Variants in BMP6 observed in about 807,000 individuals in gnomAD.
The protein encoded by BMP6 is bone morphogenetic protein 6.
In BMP6, 17 loss-of-function variants were observed where a neutral mutation model predicts 54.1. The observed-to-expected ratio is 0.31, with a 90% CI of 0.22 to 0.47. BMP6 has a LOEUF of 0.47. BMP6 is among the 20% of genes least tolerant of loss of function. The probability of loss-of-function intolerance (pLI) is 1.00; values close to 1 mark genes in which losing one functional copy is unlikely to be tolerated. For missense variants in BMP6, 720 were observed against 690.4 expected (o/e 1.04, Z -0.48); for synonymous variants, 328 against 291.2 (o/e 1.13, Z -1.28).
At chr6:7,728,229 G>T (rs1761783908) in intron 1 of BMP6, among the ~76,000 whole-genome samples, 2 of 152,240 alleles carry the variant, frequency 1.3e-5, no homozygotes, top group African/African-American at 4.8e-5. Context: ...GGCCGGGCGG[G>T]GCTCGCTTCT....
In BMP6 at chr6:7,776,147, T is replaced by C. The variant is rs570207791; in HGVS notation, c.664+48528T>C. Among the ~76,000 whole-genome samples the C allele has an allele frequency of 2.2e-4, 33 of 152,344 alleles. No individual in the cohort carries two copies. The South Asian group carries it at 6.0e-3, about 28-fold the overall frequency. On this transcript the variant is annotated intron_variant, in intron 1 of 6. Coordinates refer to ENST00000283147, the MANE Select transcript of BMP6 (RefSeq NM_001718.6). The stretch of plus-strand genomic sequence containing the variant: ...AGCACTTGGAAATTGTTTGACTTCT[T>C]AGGGGCAGTTACCTAAGTTGAAGCA...
intron 4 of BMP6, among the ~76,000 whole-genome samples, chr6:7,875,790 G>A (rs576708629): frequency 2.6e-4 from 39 of 152,298 alleles, no homozygotes; most frequent in Middle Eastern, 3.4e-3. Context: ...AGAGAAAAGC[G>A]TACCAGGGAA....
At chr6:7,816,610 C>T (rs1758530763) in intron 1 of BMP6, among the ~76,000 whole-genome samples, 1 of 152,178 alleles carries the variant, frequency 6.6e-6, no homozygotes, top group African/African-American at 2.4e-5. Context: ...GTTAAAGCCC[C>T]ATCCATAATT....
chr6:7,865,912 G>A (rs1193351666), intron 4 of BMP6, among the ~76,000 whole-genome samples: 1 of 152,198 alleles, frequency 6.6e-6, no homozygotes, highest in Non-Finnish European at 1.5e-5. Flanking sequence ...CAAATTGCCT[G>A]TCATCAGGGT....
At chr6:7,736,252 C>T (rs1208160375) in intron 1 of BMP6, among the ~76,000 whole-genome samples, 1 of 152,186 alleles carries the variant, frequency 6.6e-6, no homozygotes, top group African/African-American at 2.4e-5. Flanking sequence ...TTAAATTTCT[C>T]CCTGGCTTGT....
chr6:7,844,798 C>T (rs1485288649), intron 1 of BMP6, among the ~76,000 whole-genome samples: 1 of 152,148 alleles, frequency 6.6e-6, no homozygotes, highest in African/African-American at 2.4e-5. Context: ...ATTCTCACAC[C>T]TTTTTCTGTG....
At chr6:7,862,940 A>T (rs1581284391) in intron 4 of BMP6, among the ~76,000 whole-genome samples, 1 of 152,114 alleles carries the variant, frequency 6.6e-6, no homozygotes, top group South Asian at 2.1e-4. Flanking sequence ...AGGTCAACTC[A>T]GCCCTCTAGG....
intron 2 of BMP6, among the ~76,000 whole-genome samples, chr6:7,853,731 C>G (rs1040631873): frequency 1.3e-5 from 2 of 152,200 alleles, no homozygotes; most frequent in Non-Finnish European, 2.9e-5. Flanking sequence ...ACTTGATAAT[C>G]TCTGGCTCCC....
Position 7,803,777 on chromosome 6 carries a change from G to A in BMP6, c.665-41363G>A, listed in dbSNP as rs1205272825. Among the ~76,000 whole-genome samples, 7 of 151,714 alleles carry A rather than the reference G, an allele frequency of 4.6e-5. No homozygotes were observed. In the East Asian group the frequency reaches 5.8e-4, roughly 13 times the overall value. Reference sequence around the variant, plus strand: ...CACATTTAACTTGCGAAATCAGGTCGGGCCTAACAATTGCTAGTGTATTGT... The same window carrying A: ...CACATTTAACTTGCGAAATCAGGTCAGGCCTAACAATTGCTAGTGTATTGT... On this transcript the variant is annotated intron_variant, in intron 1 of 6. Transcript: ENST00000283147.
At chr6:7,767,631 A>G (rs937292059) in intron 1 of BMP6, among the ~76,000 whole-genome samples, 12 of 152,226 alleles carry the variant, frequency 7.9e-5, no homozygotes, top group African/African-American at 2.9e-4. Context: ...CTGTGAGCTC[A>G]TTCAAGCCAG....
intron 1 of BMP6, among the ~76,000 whole-genome samples, chr6:7,770,214 A>AGGG (rs1464727056): frequency 4.3e-4 from 66 of 152,370 alleles, no homozygotes; most frequent in Middle Eastern, 6.8e-3. Flanking sequence ...ATTTATTTAA[A>AGGG]ATGGGAAAAT....
chr6:7,764,913 A>G (rs1757663505), intron 1 of BMP6, among the ~76,000 whole-genome samples: 2 of 152,244 alleles, frequency 1.3e-5, no homozygotes, highest in South Asian at 2.1e-4. Context: ...TTAGCTTGGC[A>G]GTTGATGGCT....
At chr6:7,827,156 C>G (rs1165673570) in intron 1 of BMP6, among the ~76,000 whole-genome samples, 2 of 152,300 alleles carry the variant, frequency 1.3e-5, no homozygotes, top group East Asian at 3.9e-4. Flanking sequence ...TTGAAAGAAC[C>G]AAGATCTTGT....
At chr6:7,782,497 G>C (rs1757962184) in intron 1 of BMP6, among the ~76,000 whole-genome samples, 1 of 152,108 alleles carries the variant, frequency 6.6e-6, no homozygotes, top group African/African-American at 2.4e-5. Context: ...GATTACCTGA[G>C]GTCAGAAGTT....
chr6:7,845,455 C>T (rs1178784776), intron 2 of BMP6, 123 bp downstream of exon 2: 11 of 824,332 alleles, frequency 1.3e-5, no homozygotes, highest in South Asian at 5.2e-5. Flanking sequence ...CATGTGAGTA[C>T]GATGAGGTGG....
At chr6:7,838,027 C>T (rs1394513241) in intron 1 of BMP6, among the ~76,000 whole-genome samples, 1 of 152,108 alleles carries the variant, frequency 6.6e-6, no homozygotes, top group East Asian at 1.9e-4. Flanking sequence ...CTGAAAGGCT[C>T]CCCAGCTTAT....
intron 1 of BMP6, among the ~76,000 whole-genome samples, chr6:7,776,774 CCAACCAGCTGGGAT>C (rs1467821330): frequency 1.3e-5 from 2 of 152,184 alleles, no homozygotes; most frequent in East Asian, 3.8e-4. Flanking sequence ...CGTCAGTGCC[CCAACCAGCTGGGAT>C]CACAGGCAGA....
At chr6:7,814,304 CTCA>C (rs1396652516) in intron 1 of BMP6, among the ~76,000 whole-genome samples, 3 of 152,194 alleles carry the variant, frequency 2.0e-5, no homozygotes, top group African/African-American at 7.2e-5. Context: ...GACATGACAT[CTCA>C]TCATGTTTAT....
intron 1 of BMP6, among the ~76,000 whole-genome samples, chr6:7,792,087 C>T (rs56180096): frequency 0.2 from 30,584 of 151,944 alleles, 3,595 homozygotes; most frequent in African/African-American, 0.32. Flanking sequence ...TCCATAACTG[C>T]GGGAGGAGGG....
Sources: gnomAD v4.1 joint callset for allele counts (sites outside exome capture counted in the v4.1 genomes callset) on GRCh38, gnomAD v4.1.1 for gene constraint, MANE v1.5 for transcripts, NCBI Gene and HGNC (gene_info 2026-07-23, HGNC 2026-07-21) for gene names.